The following FRMD4A variants were observed in gnomAD, a reference collection of about 807,000 sequenced individuals.
FRMD4A encodes the protein FERM domain containing 4A.
FRMD4A carries 29 observed loss-of-function variants against 129.1 expected under a neutral mutation model. That is an observed-to-expected ratio of 0.22 (90% CI 0.17 to 0.31). FRMD4A has a LOEUF of 0.31. Among genes scored for constraint, FRMD4A ranks in the 10% least tolerant of loss-of-function variants. The probability of loss-of-function intolerance (pLI) is 1.00; values close to 1 mark genes in which losing one functional copy is unlikely to be tolerated. For synonymous variants in FRMD4A, 634 were observed against 571.6 expected (o/e 1.11, Z -1.56); for missense variants, 1,272 against 1,375.8 (o/e 0.92, Z 1.19).
At chr10:14,220,806 GTGTGTT>G (rs1157611495) in intron 2 of FRMD4A, among the ~76,000 whole-genome samples, 2 of 33,096 alleles carry the variant, frequency 6.0e-5, no homozygotes, top group South Asian at 1.8e-3. Context: ...GTGTGTGTGT[GTGTGTT>G]TGTGTGTGTG....
intron 2 of FRMD4A, among the ~76,000 whole-genome samples, chr10:14,185,458 T>G (rs57222281): frequency 2.0e-5 from 3 of 152,204 alleles, no homozygotes; most frequent in Admixed American, 1.3e-4. Context: ...TGGCAGAAAT[T>G]AGTACAAAAA....
intron 12 of FRMD4A, among the ~76,000 whole-genome samples, chr10:13,724,291 G>C (rs2089712935): frequency 1.3e-5 from 2 of 152,128 alleles, no homozygotes; most frequent in South Asian, 4.1e-4. Context: ...GGGAGTCTGA[G>C]GCAGGAGAAT....
chr10:13,766,564 A>G (rs1266802424), intron 6 of FRMD4A, among the ~76,000 whole-genome samples: 1 of 152,218 alleles, frequency 6.6e-6, no homozygotes, highest in Non-Finnish European at 1.5e-5. Flanking sequence ...CATAGGACTC[A>G]ACACAAAGAC....
chr10:14,010,661 G>C (rs1204465873), intron 2 of FRMD4A, among the ~76,000 whole-genome samples: 1 of 85,264 alleles, frequency 1.2e-5, no homozygotes, highest in East Asian at 6.1e-4. Context: ...GTCGAGTTTA[G>C]GTCTTTTTTT....
intron 4 of FRMD4A, among the ~76,000 whole-genome samples, chr10:13,807,911 G>C (rs916914667): frequency 6.6e-6 from 1 of 150,534 alleles, no homozygotes. Context: ...CGATTCTTCT[G>C]CCTCAGCCTC....
intron 23 of FRMD4A, among the ~76,000 whole-genome samples, chr10:13,653,641 C>T (rs372929883): frequency 5.9e-5 from 9 of 152,282 alleles, no homozygotes; most frequent in East Asian, 1.9e-4. Context: ...CCAGACAAAC[C>T]GAGGAAGGGG....
intron 4 of FRMD4A, among the ~76,000 whole-genome samples, chr10:13,801,052 T>C (rs1261751603): frequency 1.3e-5 from 2 of 152,090 alleles, no homozygotes; most frequent in Admixed American, 6.5e-5. Context: ...ATCGAGACCA[T>C]CCTGGCCAAC....
chr10:14,076,673 A>C (rs974450322), intron 2 of FRMD4A, among the ~76,000 whole-genome samples: 4 of 152,112 alleles, frequency 2.6e-5, no homozygotes, highest in Admixed American at 2.0e-4. Context: ...TGTTAGATGC[A>C]TTACTATGAA....
At chr10:14,281,367 C>T (rs974462120) in intron 2 of FRMD4A, among the ~76,000 whole-genome samples, 1 of 152,198 alleles carries the variant, frequency 6.6e-6, no homozygotes, top group Non-Finnish European at 1.5e-5. Context: ...ACAGGGAAGA[C>T]AGCCATCAAT....
intron 18 of FRMD4A, 98 bp from the exon 19 acceptor site, chr10:13,663,607 C>G (rs934325401): frequency 2.8e-6 from 2 of 721,970 alleles, no homozygotes; most frequent in Non-Finnish European, 5.1e-6. Flanking sequence ...TCATACCTTT[C>G]TCTTCCTAAC....
intron 12 of FRMD4A, among the ~76,000 whole-genome samples, chr10:13,734,938 A>G (rs1215199151): frequency 6.6e-6 from 1 of 151,444 alleles, no homozygotes; most frequent in Non-Finnish European, 1.5e-5. Context: ...CAGTGGTGCG[A>G]TCTCAGCTTA....
intron 4 of FRMD4A, among the ~76,000 whole-genome samples, chr10:13,799,323 AT>A (rs1242011603): frequency 6.6e-6 from 1 of 151,912 alleles, no homozygotes; most frequent in Non-Finnish European, 1.5e-5. Context: ...ATGCCCAGCT[AT>A]TTTTTTGTAT....
intron 2 of FRMD4A, among the ~76,000 whole-genome samples, chr10:14,191,711 T>G (rs541998778): frequency 6.6e-6 from 1 of 152,310 alleles, no homozygotes; most frequent in South Asian, 2.1e-4. Context: ...ATGTGTGACA[T>G]TTAACACATT....
intron 2 of FRMD4A, among the ~76,000 whole-genome samples, chr10:13,879,062 C>G (rs1257607005): frequency 1.3e-5 from 2 of 152,090 alleles, no homozygotes; most frequent in Non-Finnish European, 1.5e-5. Flanking sequence ...AGTCACATAT[C>G]AAGACATATC....
At chr10:13,880,449 G>T in intron 2 of FRMD4A, among the ~76,000 whole-genome samples, 1 of 152,160 alleles carries the variant, frequency 6.6e-6, no homozygotes, top group East Asian at 1.9e-4. Context: ...TTGCAAATGT[G>T]CTTCCAACTC....
intron 2 of FRMD4A, among the ~76,000 whole-genome samples, chr10:13,980,121 G>A (rs1315549079): frequency 6.6e-6 from 1 of 152,164 alleles, no homozygotes; most frequent in Non-Finnish European, 1.5e-5. Flanking sequence ...AATGACTTTT[G>A]GAAGCCATTT....
intron 2 of FRMD4A, among the ~76,000 whole-genome samples, chr10:14,284,210 C>T (rs893207048): frequency 3.2e-4 from 48 of 152,194 alleles, no homozygotes; most frequent in African/African-American, 9.7e-4. Flanking sequence ...ACTGTTCACC[C>T]TCCTACAGTG....
At chr10:14,161,742 T>G (rs1840897028) in intron 2 of FRMD4A, among the ~76,000 whole-genome samples, 2 of 152,302 alleles carry the variant, frequency 1.3e-5, no homozygotes, top group Admixed American at 6.5e-5. Context: ...TAAGTTCTAC[T>G]GTTTGATAGC....
chr10:13,648,364 G>GA (rs1390471412), intron 24 of FRMD4A: 1 of 152,200 alleles, frequency 6.6e-6, no homozygotes, highest in Non-Finnish European at 1.5e-5. Flanking sequence ...GTGCCTGACT[G>GA]AAAAACTTCT....
Sources: gnomAD v4.1 joint callset for allele counts (sites outside exome capture counted in the v4.1 genomes callset) on GRCh38, gnomAD v4.1.1 for gene constraint, MANE v1.5 for transcripts, NCBI Gene and HGNC (gene_info 2026-07-23, HGNC 2026-07-21) for gene names.